Variants in IRF1 observed in about 807,000 individuals in gnomAD.
IRF1 encodes interferon regulatory factor 1.
Under a neutral mutation model 43.7 loss-of-function variants are expected in IRF1, and 13 were observed. The observed-to-expected ratio is 0.30, with a 90% CI of 0.19 to 0.47. The LOEUF is 0.47. Among genes scored for constraint, IRF1 ranks in the 20% least tolerant of loss-of-function variants. The pLI is 0.99. For missense variants in IRF1, 236 were observed against 408.9 expected (o/e 0.58, Z 3.65); for synonymous variants, 138 against 146.8 (o/e 0.94, Z 0.43).
At position 132,484,093 on chromosome 5, in the gene IRF1, G is replaced by A. The variant is rs747418940; in HGVS notation, c.854-18C>T. 6.2e-7 allele frequency: 1 copy of A among 1,613,122 alleles called. No homozygotes were observed. Among genetic ancestry groups the A allele is most frequent in the Admixed American group, 1.7e-5 (1 of 59,986 alleles). ...AATATCCCCTAGAAGATGTGAAGAAGGTTGTATGAGGGTAGGGGACGGTGG... is the reference window on the plus strand; with the variant it reads ...AATATCCCCTAGAAGATGTGAAGAAAGTTGTATGAGGGTAGGGGACGGTGG... On this transcript the variant is annotated intron_variant, in intron 9 of 9. Coordinates refer to ENST00000245414, the MANE Select transcript of IRF1 (RefSeq NM_002198.3).
At position 132,490,421 on chromosome 5, in the gene IRF1, A is replaced by T. The variant is rs902380592; in HGVS notation, c.-6+124T>A. The T allele has an allele frequency of 6.7e-6, 1 of 148,770 alleles. No individual in the cohort carries two copies. Among genetic ancestry groups the T allele is most frequent in the Non-Finnish European group, 1.5e-5 (1 of 66,928 alleles). The allele number at this position is 148,770 out of a possible 1,614,324, so 9.2% of individuals were successfully genotyped here. On this transcript the variant is annotated intron_variant, in intron 1 of 9. Coordinates refer to ENST00000245414, the MANE Select transcript of IRF1 (RefSeq NM_002198.3). The surrounding 1 kb of genome is among the most constrained non-coding windows in gnomAD (Gnocchi z 5.8). The stretch of plus-strand genomic sequence containing the variant: ...CCGGCGCCCCCCGGAGCCCGCGCGG[A>T]GGCCCGGGCAACGCCGCGCGCCGGC...
Position 132,489,472 on chromosome 5 carries a change from T to TG in IRF1, c.6dup (p.Ile3HisfsTer15). 6.2e-7 allele frequency: 1 copy of TG among 1,613,682 alleles called. No homozygotes were observed. Among genetic ancestry groups the TG allele is most frequent in the East Asian group, 2.2e-5 (1 of 44,898 alleles). ...CAGGGTCTCATGCGCATCCGAGTGATGGGCATGTTGGCTGTAAAGAGAACA... is the reference window on the plus strand; with the variant it reads ...CAGGGTCTCATGCGCATCCGAGTGATGGGGCATGTTGGCTGTAAAGAGAACA... On this transcript the variant is annotated frameshift_variant, in exon 2 of 10. Transcript: ENST00000245414. LOFTEE classifies it high-confidence loss of function.
Position 132,486,782 on chromosome 5 carries a change from G to A in IRF1, c.414+13C>T. The A allele has an allele frequency of 6.2e-7, 1 of 1,614,202 alleles. No individual in the cohort carries two copies. The highest frequency in any genetic ancestry group is 8.5e-7 in the Non-Finnish European group (1 of 1,180,032). On this transcript the variant is annotated intron_variant, in intron 5 of 9. Transcript: ENST00000245414. ...AGGTGACCAAAGGCCTGGCTGCTTA[G>A]GACCACACTCACCTTCCTCTTGGCC...
chr5:132,490,476 C>T lies in IRF1; in HGVS notation c.-6+69G>A, dbSNP rs890423747. On this transcript the variant is annotated intron_variant, in intron 1 of 9. Transcript: ENST00000245414. This position sits in a 1 kb window ranked among gnomAD's most constrained non-coding sequence, Gnocchi z 5.8. ...CTCCAGCCTGGAGCTTTCGACCCCC[C>T]ACTTCCTGGTGCCCCGCGCGCCTTT... is the stretch of plus-strand genomic sequence containing the variant. 1 of 151,682 alleles carries T rather than the reference C, an allele frequency of 6.6e-6. No individual in the cohort carries two copies. The highest frequency in any genetic ancestry group is 2.4e-5 in the African/African-American group (1 of 41,348). The allele number at this position is 151,682 out of a possible 1,614,324, so 9.4% of individuals were successfully genotyped here. A position where few individuals can be genotyped will look rare whatever the true frequency, so the allele number is the denominator to read the frequency against.
Position 132,485,740 on chromosome 5 carries a change from G to A in IRF1, c.668-24C>T, listed in dbSNP as rs776245057. Reference sequence around the variant, plus strand: ...AGCTGTGGATGGGGAAAGCAGAGAGGTTGGCTGGCAGTCAGCCACACTCAC... The same window carrying A: ...AGCTGTGGATGGGGAAAGCAGAGAGATTGGCTGGCAGTCAGCCACACTCAC... On this transcript the variant is annotated intron_variant, in intron 7 of 9. Coordinates refer to ENST00000245414, the MANE Select transcript of IRF1 (RefSeq NM_002198.3). 1.5e-5 allele frequency: 24 copies of A among 1,605,078 alleles called. No homozygotes were observed. The South Asian group carries it at 2.5e-4, about 17-fold the overall frequency.
Position 132,489,489 on chromosome 5 carries a change from A to C in IRF1, c.-5-6T>G. On this transcript the variant is annotated splice_region_variant and splice_polypyrimidine_tract_variant and intron_variant, in intron 1 of 9. Transcript: ENST00000245414. ...CCGAGTGATGGGCATGTTGGCTGTAAAGAGAACACAGAGGCTCCAGTCTGG... is the reference window on the plus strand; with the variant it reads ...CCGAGTGATGGGCATGTTGGCTGTACAGAGAACACAGAGGCTCCAGTCTGG... 6.2e-7 allele frequency: 1 copy of C among 1,610,926 alleles called. No homozygotes were observed. The highest frequency in any genetic ancestry group is 8.5e-7 in the Non-Finnish European group (1 of 1,177,250).
chr5:132,486,540 GA>G lies in IRF1; in HGVS notation c.544+16del. 6.2e-7 allele frequency: 1 copy of G among 1,613,850 alleles called. No individual in the cohort carries two copies. Among genetic ancestry groups the G allele is most frequent in the Non-Finnish European group, 8.5e-7 (1 of 1,179,916 alleles). ...CACTGACCTGTGGGGTCTCCTGCCA[GA>G]CCTGGACCAGCTCACCTGGAGTCAG... On this transcript the variant is annotated intron_variant, in intron 6 of 9. Transcript: ENST00000245414.
At chr5:132,486,420 T>C (rs1754528794) in intron 6 of IRF1, 47 bp from the exon 7 acceptor site, 1 of 1,609,852 alleles carries the variant, frequency 6.2e-7, no homozygotes. Flanking sequence ...GCTTTCTTAG[T>C]TTGCAAGACA....
intron 3 of IRF1, 51 bp downstream of exon 3, chr5:132,487,875 C>CT (rs1196207437): frequency 1.5e-6 from 2 of 1,291,930 alleles, no homozygotes; most frequent in African/African-American, 2.9e-5. Flanking sequence ...ACGTGAGTGC[C>CT]TCCTCTTGTC....
rs1754469381 is a variant in IRF1, at chr5:132,484,567, A to G, written c.718-70T>C. 5.0e-6 allele frequency: 8 copies of G among 1,592,588 alleles called. No homozygotes were observed. In the Middle Eastern group the frequency reaches 7.9e-4, roughly 157 times the overall value. On this transcript the variant is annotated intron_variant, in intron 8 of 9. Coordinates refer to ENST00000245414, the MANE Select transcript of IRF1 (RefSeq NM_002198.3). The stretch of plus-strand genomic sequence containing the variant: ...GACTCACCCTGTGGCCCTGCCCTCA[A>G]TGAGCCAGCTCCTCTCAGCCAGTAT...
In IRF1 at chr5:132,484,065, C is replaced by T; in HGVS notation, c.864G>A (p.Gly288=). The change falls in exon 10 of 10, where the codon GGG becomes GGA. Residue 288 remains glycine, a synonymous_variant. Coordinates refer to ENST00000245414, the MANE Select transcript of IRF1 (RefSeq NM_002198.3). Reference sequence around the variant, plus strand: ...CTGTGAAGACACGCTGTAGACTCAGCCCAATATCCCCTAGAAGATGTGAAG... The same window carrying T: ...CTGTGAAGACACGCTGTAGACTCAGTCCAATATCCCCTAGAAGATGTGAAG... ...PEIDSPGGDI[G]LSLQRVFTDL... The T allele has an allele frequency of 6.2e-7, 1 of 1,613,766 alleles. No homozygotes were observed.
Position 132,483,945 on chromosome 5 carries a change from G to C in IRF1, c.*6C>G, listed in dbSNP as rs923626219. On this transcript the variant is annotated 3_prime_UTR_variant, in exon 10 of 10. Coordinates refer to ENST00000245414, the MANE Select transcript of IRF1 (RefSeq NM_002198.3). Reference sequence around the variant, plus strand: ...CTAGAGGAATAAGAGGGGCCCAGGGGCCCTGCTACGGTGCACAGGGAATGG... The same window carrying C: ...CTAGAGGAATAAGAGGGGCCCAGGGCCCCTGCTACGGTGCACAGGGAATGG... 3 of 1,612,676 alleles carry C rather than the reference G, an allele frequency of 1.9e-6. No homozygotes were observed. Among genetic ancestry groups the C allele is most frequent in the Non-Finnish European group, 2.5e-6 (3 of 1,179,884 alleles).
At chr5:132,485,324 T>C (rs957401572) in intron 8 of IRF1, 3 of 280,906 alleles carry the variant, frequency 1.1e-5, no homozygotes, top group Admixed American at 8.9e-5. Flanking sequence ...AGGCTGATTA[T>C]TGAAGCCTGA....
At chr5:132,486,023 C>T (rs1327756522) in intron 7 of IRF1, 1 of 624,322 alleles carries the variant, frequency 1.6e-6, no homozygotes, top group Non-Finnish European at 2.8e-6. Context: ...AAATGCAGCC[C>T]CTGGCCCCCT....
rs984315756 is a variant in IRF1, at chr5:132,484,569, G to A, written c.718-72C>T. Reference sequence around the variant, plus strand: ...CTCACCCTGTGGCCCTGCCCTCAATGAGCCAGCTCCTCTCAGCCAGTATCA... The same window carrying A: ...CTCACCCTGTGGCCCTGCCCTCAATAAGCCAGCTCCTCTCAGCCAGTATCA... On this transcript the variant is annotated intron_variant, in intron 8 of 9. Transcript: ENST00000245414. 41 of 1,589,014 alleles carry A rather than the reference G, an allele frequency of 2.6e-5. No individual in the cohort carries two copies. The African/African-American group carries it at 4.0e-4, about 16-fold the overall frequency.
At chr5:132,486,464 C>T (rs1252608986) in intron 6 of IRF1, 91 bp from the exon 7 acceptor site, 1 of 1,611,016 alleles carries the variant, frequency 6.2e-7, no homozygotes, top group South Asian at 1.1e-5. Context: ...GCAGCCTGCA[C>T]TAATGGGCCA....
intron 7 of IRF1, chr5:132,486,017 G>T (rs111296401): frequency 0.019 from 11,418 of 612,446 alleles, 159 homozygotes; most frequent in Non-Finnish European, 0.024. Context: ...ACCCCAAAAT[G>T]CAGCCCCTGG....
Position 132,486,792 on chromosome 5 carries a change from C to T in IRF1, c.414+3G>A. 6.2e-7 allele frequency: 1 copy of T among 1,614,238 alleles called. No homozygotes were observed. Among genetic ancestry groups the T allele is most frequent in the Non-Finnish European group, 8.5e-7 (1 of 1,180,034 alleles). Reference sequence around the variant, plus strand: ...AGGCCTGGCTGCTTAGGACCACACTCACCTTCCTCTTGGCCTTGCTCTTAG... The same window carrying T: ...AGGCCTGGCTGCTTAGGACCACACTTACCTTCCTCTTGGCCTTGCTCTTAG... On this transcript the variant is annotated splice_donor_region_variant and intron_variant, in intron 5 of 9. Coordinates refer to ENST00000245414, the MANE Select transcript of IRF1 (RefSeq NM_002198.3).
At position 132,483,569 on chromosome 5, in the gene IRF1, G is replaced by T. The variant is rs1561602346; in HGVS notation, c.*382C>A. 1 of 184,390 alleles carries T rather than the reference G, an allele frequency of 5.4e-6. No individual in the cohort carries two copies. The highest frequency in any genetic ancestry group is 6.0e-5 in the Admixed American group (1 of 16,794). The allele number at this position is 184,390 out of a possible 1,614,324, so 11.4% of individuals were successfully genotyped here. ...TTCTCTTAGTGCAGAGCCAGCCCTGGGATTGGTGTTATGCTTTTCTGGGGT... is the reference window on the plus strand; with the variant it reads ...TTCTCTTAGTGCAGAGCCAGCCCTGTGATTGGTGTTATGCTTTTCTGGGGT... On this transcript the variant is annotated 3_prime_UTR_variant, in exon 10 of 10. Transcript: ENST00000245414.
Sources: gnomAD v4.1 joint callset for allele counts on GRCh38, gnomAD v4.1.1 for gene constraint, Gnocchi (gnomAD v3.1) non-coding constraint, MANE v1.5 for transcripts, NCBI Gene and HGNC (gene_info 2026-07-23, HGNC 2026-07-21) for gene names.